Variants in NAALADL2 observed in about 807,000 individuals in gnomAD.
NAALADL2 encodes the protein N-acetylated alpha-linked acidic dipeptidase like 2, also known as inactive N-acetylated-alpha-linked acidic dipeptidase-like protein 2.
In NAALADL2, 76 loss-of-function variants were observed where a neutral mutation model predicts 87.2. The ratio of observed to expected loss-of-function variants is 0.87; its 90% CI spans 0.72 to 1.05. The LOEUF is 1.05. Ranked by LOEUF, NAALADL2 falls within the 50% of genes least tolerant of loss-of-function variation. The probability of loss-of-function intolerance (pLI) is 0.00; values close to 1 mark genes in which losing one functional copy is unlikely to be tolerated. For missense variants in NAALADL2, 1,089 were observed against 945.8 expected (o/e 1.15, Z -1.99); for synonymous variants, 354 against 331.0 (o/e 1.07, Z -0.75).
At chr3:175,802,333 G>A (rs1189272731) in intron 13 of NAALADL2, among the ~76,000 whole-genome samples, 1 of 150,708 alleles carries the variant, frequency 6.6e-6, no homozygotes, top group Non-Finnish European at 1.5e-5. Context: ...TTTTTTGGGG[G>A]GGGACAATTT....
Position 175,177,211 on chromosome 3 carries a change from A to G in NAALADL2, c.546-56720A>G, listed in dbSNP as rs529140218. The stretch of plus-strand genomic sequence containing the variant: ...CCTAATACCTTACTACTTCCCTGCT[A>G]TCTCCATTATACCTGTCCCCTACCC... On this transcript the variant is annotated intron_variant, in intron 2 of 13. Transcript: ENST00000454872. 5.3e-5 allele frequency among the ~76,000 whole-genome samples: 8 copies of G among 152,094 alleles called. No individual in the cohort carries two copies. In the South Asian group the frequency reaches 1.5e-3, roughly 28 times the overall value.
chr3:175,255,058 A>G (rs1360915703), intron 3 of NAALADL2, among the ~76,000 whole-genome samples: 1 of 152,212 alleles, frequency 6.6e-6, no homozygotes, highest in African/African-American at 2.4e-5. Context: ...TTGGAAACTG[A>G]AACTGGCAGA....
intron 2 of NAALADL2, among the ~76,000 whole-genome samples, chr3:175,127,416 A>G (rs968905077): frequency 1.3e-5 from 2 of 152,144 alleles, no homozygotes; most frequent in Admixed American, 1.3e-4. Flanking sequence ...ATTTACTTTC[A>G]GGACTGACAT....
At chr3:175,502,228 G>GGGGTGTGTGTGTGTGT (rs373702257) in intron 9 of NAALADL2, among the ~76,000 whole-genome samples, 4 of 147,390 alleles carry the variant, frequency 2.7e-5, no homozygotes, top group African/African-American at 1.0e-4. Flanking sequence ...CATTATCCTG[G>GGGGTGTGTGTGTGTGT]GTGTGTGTGT....
intron 1 of NAALADL2, among the ~76,000 whole-genome samples, chr3:174,528,561 G>C (rs766378094): frequency 4.6e-5 from 7 of 152,176 alleles, no homozygotes; most frequent in Non-Finnish European, 1.0e-4. Flanking sequence ...CTGAGGTGGA[G>C]GTTGCAGTGA....
At chr3:175,704,636 A>C (rs1391037782) in intron 11 of NAALADL2, among the ~76,000 whole-genome samples, 3 of 152,118 alleles carry the variant, frequency 2.0e-5, no homozygotes, top group African/African-American at 7.2e-5. Context: ...CTCGATACAG[A>C]GTCTTTCCAC....
At chr3:174,977,924 C>A (rs1003282173) in intron 1 of NAALADL2, among the ~76,000 whole-genome samples, 4 of 152,134 alleles carry the variant, frequency 2.6e-5, no homozygotes, top group African/African-American at 9.7e-5. Context: ...ATATTATAAT[C>A]TTTTTATAAT....
chr3:175,100,559 C>G (rs535581019), intron 2 of NAALADL2, among the ~76,000 whole-genome samples: 1 of 152,028 alleles, frequency 6.6e-6, no homozygotes. Flanking sequence ...AAAAGAAGGC[C>G]AGGGGCAGTG....
intron 3 of NAALADL2, among the ~76,000 whole-genome samples, chr3:174,740,821 A>G (rs1452986906): frequency 6.6e-6 from 1 of 151,804 alleles, no homozygotes; most frequent in Non-Finnish European, 1.5e-5. Flanking sequence ...AGTTAGAGCC[A>G]TTTTTATGCT....
intron 1 of NAALADL2, among the ~76,000 whole-genome samples, chr3:174,488,337 C>T (rs1421445142): frequency 6.6e-6 from 1 of 151,930 alleles, no homozygotes; most frequent in African/African-American, 2.4e-5. Context: ...TTTTAGATCT[C>T]AGTTTTGTCA....
chr3:175,557,968 A>G (rs763324725), intron 9 of NAALADL2, among the ~76,000 whole-genome samples: 15 of 151,770 alleles, frequency 9.9e-5, no homozygotes, highest in African/African-American at 1.9e-4. Flanking sequence ...GCTGAGGCGG[A>G]CAGATCACGA....
chr3:174,618,779 C>T (rs1489356719), intron 2 of NAALADL2, among the ~76,000 whole-genome samples: 2 of 151,842 alleles, frequency 1.3e-5, no homozygotes, highest in Non-Finnish European at 3.0e-5. Flanking sequence ...CTCCCAGCTA[C>T]TTTAAGACTT....
At chr3:175,333,565 G>C (rs1157004658) in intron 5 of NAALADL2, among the ~76,000 whole-genome samples, 1 of 152,090 alleles carries the variant, frequency 6.6e-6, no homozygotes, top group Non-Finnish European at 1.5e-5. Flanking sequence ...AATAAACAAG[G>C]CATAGAAATA....
At chr3:175,596,222 T>C (rs1434502377) in intron 10 of NAALADL2, among the ~76,000 whole-genome samples, 1 of 151,946 alleles carries the variant, frequency 6.6e-6, no homozygotes, top group Non-Finnish European at 1.5e-5. Context: ...CACGTTACTA[T>C]ACAATATTGC....
At chr3:174,959,186 A>G (rs1384627385) in intron 1 of NAALADL2, among the ~76,000 whole-genome samples, 1 of 152,042 alleles carries the variant, frequency 6.6e-6, no homozygotes, top group East Asian at 1.9e-4. Flanking sequence ...CCAATTTTCA[A>G]CTGCTTTTGC....
chr3:175,665,206 T>C (rs1388354801), intron 11 of NAALADL2, among the ~76,000 whole-genome samples: 2 of 152,218 alleles, frequency 1.3e-5, no homozygotes, highest in Non-Finnish European at 2.9e-5. Context: ...GTAATCAACA[T>C]TGTATGCAAG....
intron 2 of NAALADL2, among the ~76,000 whole-genome samples, chr3:174,655,182 A>T (rs183801551): frequency 2.6e-5 from 4 of 152,252 alleles, no homozygotes; most frequent in African/African-American, 9.6e-5. Context: ...AGTAACTAAC[A>T]AAGAGTAAAT....
intron 4 of NAALADL2, among the ~76,000 whole-genome samples, chr3:175,302,354 A>G (rs1005894857): frequency 3.9e-5 from 6 of 152,140 alleles, no homozygotes; most frequent in Non-Finnish European, 7.4e-5. Flanking sequence ...GATCGTTATT[A>G]TTTGTCCATC....
At chr3:174,605,730 G>T (rs1407709763) in intron 2 of NAALADL2, among the ~76,000 whole-genome samples, 5 of 152,032 alleles carry the variant, frequency 3.3e-5, no homozygotes, top group Admixed American at 3.3e-4. Flanking sequence ...CTCCACCTCT[G>T]GGGGCAGGGC....
Sources: allele counts gnomAD v4.1 joint callset (sites outside exome capture counted in the v4.1 genomes callset), GRCh38; gene constraint gnomAD v4.1.1; transcripts MANE v1.5; gene names NCBI Gene and HGNC (gene_info 2026-07-23, HGNC 2026-07-21).